TMEM63A: variants seen among roughly 807,000 people sequenced by gnomAD.
TMEM63A encodes transmembrane protein 63A.
TMEM63A carries 76 observed loss-of-function variants against 100.6 expected under a neutral mutation model. That is an observed-to-expected ratio of 0.76 (90% CI 0.63 to 0.91). The LOEUF is 0.91. TMEM63A is among the 40% of genes least tolerant of loss of function. The pLI, the probability that TMEM63A is intolerant of heterozygous loss-of-function variation, is 0.00. For missense variants in TMEM63A, 876 were observed against 1,008.8 expected (o/e 0.87, Z 1.78); for synonymous variants, 401 against 401.1 (o/e 1.00, Z 0.00).
At position 225,862,991 on chromosome 1, in the gene TMEM63A, CTCTT is replaced by C. The variant is rs1670022211; in HGVS notation, c.747-144_747-141del. On this transcript the variant is annotated intron_variant, in intron 10 of 24. Transcript: ENST00000366835. This position sits in a 1 kb window ranked among gnomAD's most constrained non-coding sequence, Gnocchi z 5.1. ...TTCTGTGCCAGCGGAGACCTCTCTT[CTCTT>C]TGTCTTTTATCCTCCAAAAGGGGGA... is the stretch of plus-strand genomic sequence containing the variant. 6 of 746,186 alleles carry C rather than the reference CTCTT, an allele frequency of 8.0e-6. No individual in the cohort carries two copies. Among genetic ancestry groups the C allele is most frequent in the African/African-American group, 1.8e-5 (1 of 56,548 alleles). 46.2% of individuals were successfully genotyped at this position (746,186 alleles called of 1,614,324 possible). A position where few individuals can be genotyped will look rare whatever the true frequency, so the allele number is the denominator to read the frequency against.
chr1:225,856,434 G>A (rs1262124961), intron 17 of TMEM63A, among the ~76,000 whole-genome samples: 6 of 149,238 alleles, frequency 4.0e-5, no homozygotes, highest in African/African-American at 7.4e-5. Flanking sequence ...AGAACAGCCT[G>A]ACCAATATGG....
intron 3 of TMEM63A, among the ~76,000 whole-genome samples, chr1:225,875,304 G>A (rs1318844866): frequency 1.3e-5 from 2 of 152,178 alleles, no homozygotes; most frequent in African/African-American, 2.4e-5. Flanking sequence ...CTAGACATCT[G>A]TACACTCTAG....
chr1:225,872,678 C>A (rs1365144280), intron 4 of TMEM63A, among the ~76,000 whole-genome samples: 1 of 143,556 alleles, frequency 7.0e-6, no homozygotes, highest in African/African-American at 2.6e-5. Flanking sequence ...GTATATGTGA[C>A]TGCTTTTCTT....
intron 2 of TMEM63A, among the ~76,000 whole-genome samples, chr1:225,878,885 T>TACCTACCTAC (rs1491107467): frequency 1.1e-4 from 16 of 139,588 alleles, no homozygotes; most frequent in African/African-American, 4.4e-4. Flanking sequence ...CCTACCTACC[T>TACCTACCTAC]ACACACACAC....
intron 21 of TMEM63A, among the ~76,000 whole-genome samples, 183 bp downstream of exon 21, chr1:225,849,729 T>C (rs1291146164): frequency 1.3e-5 from 2 of 151,800 alleles, no homozygotes; most frequent in South Asian, 2.1e-4. Context: ...TGACTAGACA[T>C]GTAACCAACC....
chr1:225,845,176 T>C (rs780566723), downstream of TMEM63A: 3 of 1,614,160 alleles, frequency 1.9e-6, no homozygotes, highest in Non-Finnish European at 2.5e-6. Flanking sequence ...CTGGCTTCTC[T>C]GCCTTCCCTT....
At chr1:225,872,681 CTT>C (rs1670571359) in intron 4 of TMEM63A, among the ~76,000 whole-genome samples, 1 of 133,170 alleles carries the variant, frequency 7.5e-6, no homozygotes, top group Non-Finnish European at 1.5e-5. Context: ...TATGTGACTG[CTT>C]TTCTTCTTTT....
rs1671045605 is a variant in TMEM63A, at chr1:225,880,694, AC to A, written c.-205-1285del. Among the ~76,000 whole-genome samples the A allele has an allele frequency of 2.6e-5, 4 of 152,232 alleles. 1 individual carries two copies. In the South Asian group the frequency reaches 6.2e-4, roughly 24 times the overall value. On this transcript the variant is annotated intron_variant, in intron 1 of 24. Coordinates refer to ENST00000366835, the MANE Select transcript of TMEM63A (RefSeq NM_014698.3). ...CAAGAGCCAGAGTGGGCAGCAGGTG[AC>A]TTCACGCTCCCAACCCAAAGTTCAA... is the stretch of plus-strand genomic sequence containing the variant.
intron 23 of TMEM63A, 107 bp downstream of exon 23, chr1:225,848,385 C>A: frequency 8.2e-7 from 1 of 1,217,342 alleles, no homozygotes. Context: ...GCCATGTGAT[C>A]TTAGCAAGAG....
At chr1:225,842,046 T>C (rs1378764673), downstream of TMEM63A, among the ~76,000 whole-genome samples, 1 of 152,268 alleles carries the variant, frequency 6.6e-6, no homozygotes, top group Non-Finnish European at 1.5e-5. Context: ...ACCCCGCCTT[T>C]TTAAAAACAG....
chr1:225,858,227 A>G (rs2102612812), intron 15 of TMEM63A, among the ~76,000 whole-genome samples: 1 of 152,104 alleles, frequency 6.6e-6, no homozygotes, highest in South Asian at 2.1e-4. Context: ...TAGCTTTTTG[A>G]GTAGATGCCA....
In TMEM63A at chr1:225,845,593, G is replaced by A. The variant is rs549384133; in HGVS notation, c.*1346C>T. 60 of 572,202 alleles carry A rather than the reference G, an allele frequency of 1.0e-4. No individual in the cohort carries two copies. Among genetic ancestry groups the A allele is most frequent in the Admixed American group, 2.4e-4 (8 of 32,898 alleles). 35.4% of individuals were successfully genotyped at this position (572,202 alleles called of 1,614,324 possible). On this transcript the variant is annotated 3_prime_UTR_variant, in exon 25 of 25. Coordinates refer to ENST00000366835, the MANE Select transcript of TMEM63A (RefSeq NM_014698.3). ...CTGGAACTCAGTGACATGAGCGTGC[G>A]CTGACCCCACATGGGGCCCCCTGTG...
chr1:225,842,922 A>T (rs45443694), downstream of TMEM63A, among the ~76,000 whole-genome samples: 1,279 of 152,318 alleles, frequency 8.4e-3, 24 homozygotes, highest in East Asian at 0.09. Context: ...TATCCTCTAC[A>T]TGCCTGACTC....
downstream of TMEM63A, chr1:225,844,459 G>A (rs370776729): frequency 4.2e-5 from 67 of 1,613,832 alleles, no homozygotes; most frequent in Non-Finnish European, 3.4e-6. Context: ...ACAACTGCAT[G>A]TGGCACTGAG....
chr1:225,864,464 G>A (rs1670101386), intron 10 of TMEM63A: 1 of 152,170 alleles, frequency 6.6e-6, no homozygotes, highest in South Asian at 2.1e-4. Context: ...CACTAAAAAG[G>A]CCTCTTAAAA....
chr1:225,851,481 T>C (rs531348560), intron 20 of TMEM63A, among the ~76,000 whole-genome samples: 2 of 152,230 alleles, frequency 1.3e-5, no homozygotes, highest in Admixed American at 6.5e-5. Flanking sequence ...GTGATTCTCC[T>C]ACCTCAGCCT....
Position 225,865,747 on chromosome 1 carries a change from A to C in TMEM63A, c.746+150T>G, listed in dbSNP as rs180851088. ...CTGGCACACAGGAGCCACTCCATAC[A>C]CGTGTGGCAGGGCCAGGTCCTTCTC... On this transcript the variant is annotated intron_variant, in intron 10 of 24. Transcript: ENST00000366835. The surrounding 1 kb of genome is among the most constrained non-coding windows in gnomAD (Gnocchi z 4.6). The C allele has an allele frequency of 1.9e-4, 139 of 726,850 alleles. 1 individual carries two copies. In the East Asian group the frequency reaches 3.7e-3, roughly 20 times the overall value. 45.0% of individuals were successfully genotyped at this position (726,850 alleles called of 1,614,324 possible). A position where few individuals can be genotyped will look rare whatever the true frequency, so the allele number is the denominator to read the frequency against.
At chr1:225,873,847 A>C (rs146006004) in intron 4 of TMEM63A, among the ~76,000 whole-genome samples, 1 of 152,234 alleles carries the variant, frequency 6.6e-6, no homozygotes, top group Non-Finnish European at 1.5e-5. Context: ...GGTGAGAAAG[A>C]AAATGGGCAT....
intron 9 of TMEM63A, 39 bp from the exon 10 acceptor site, chr1:225,866,006 A>C: frequency 6.2e-7 from 1 of 1,606,748 alleles, no homozygotes; most frequent in Non-Finnish European, 8.5e-7. Context: ...GTCACCCACA[A>C]GCCAGTGTGC....
Sources: gnomAD v4.1 joint callset for allele counts (sites outside exome capture counted in the v4.1 genomes callset) on GRCh38, gnomAD v4.1.1 for gene constraint, Gnocchi (gnomAD v3.1) non-coding constraint, MANE v1.5 for transcripts, NCBI Gene and HGNC (gene_info 2026-07-23, HGNC 2026-07-21) for gene names.